The following TUB variants were observed in gnomAD, a reference collection of about 807,000 sequenced individuals.
TUB encodes the protein TUB bipartite transcription factor, also known as tubby protein homolog.
In TUB, 33 loss-of-function variants were observed where a neutral mutation model predicts 59.7. That is an observed-to-expected ratio of 0.55 (90% CI 0.42 to 0.74). TUB has a LOEUF of 0.74. Among genes scored for constraint, TUB ranks in the 30% least tolerant of loss-of-function variants. TUB has a pLI of 0.00. For synonymous variants in TUB, 293 were observed against 256.4 expected (o/e 1.14, Z -1.36); for missense variants, 659 against 672.0 (o/e 0.98, Z 0.21).
chr11:8,096,886 G>A, intron 6 of TUB, 80 bp downstream of exon 6: 1 of 1,517,082 alleles, frequency 6.6e-7, no homozygotes, highest in Non-Finnish European at 9.1e-7. Context: ...TGAAGAGATG[G>A]ACTCGTATGC....
intron 3 of TUB, among the ~76,000 whole-genome samples, chr11:8,093,040 G>A (rs980278364): frequency 1.3e-5 from 2 of 152,152 alleles, no homozygotes; most frequent in African/African-American, 4.8e-5. Context: ...GAGCACAAAT[G>A]GGTGTGGTCC....
intron 3 of TUB, among the ~76,000 whole-genome samples, chr11:8,090,801 A>G (rs1943756928): frequency 6.6e-6 from 1 of 151,674 alleles, no homozygotes; most frequent in African/African-American, 2.4e-5. Context: ...AATTCTCTGC[A>G]GCTCATCCTG....
chr11:8,038,655 G>T, exon 1 of TUB: 1 of 1,339,134 alleles, frequency 7.5e-7, no homozygotes. Context: ...GTCTGGTCCT[G>T]AAGGGTTTGG....
At chr11:8,036,819 C>G (rs12271874), upstream of TUB, among the ~76,000 whole-genome samples, 1 of 152,202 alleles carries the variant, frequency 6.6e-6, no homozygotes, top group Non-Finnish European at 1.5e-5. Flanking sequence ...CTCAGTAGCA[C>G]GGGCCCCATG....
intron 8 of TUB, among the ~76,000 whole-genome samples, chr11:8,098,408 C>T (rs891558788): frequency 4.6e-5 from 7 of 152,288 alleles, no homozygotes; most frequent in Non-Finnish European, 1.0e-4. Context: ...CCTCTCTCCA[C>T]GGGTGCTAAG....
At chr11:8,093,111 T>G (rs6578927) in intron 3 of TUB, among the ~76,000 whole-genome samples, 140,285 of 152,020 alleles carry the variant, frequency 0.92, 65,785 homozygotes, top group East Asian at 1. Flanking sequence ...GGTCACGGGG[T>G]TGCTTTGTGG....
chr11:8,042,345 G>A (rs1439877002), intron 2 of TUB, among the ~76,000 whole-genome samples: 1 of 152,056 alleles, frequency 6.6e-6, no homozygotes, highest in Non-Finnish European at 1.5e-5. Flanking sequence ...TCAATTGTAT[G>A]GATATACCAC....
intron 2 of TUB, among the ~76,000 whole-genome samples, chr11:8,045,553 G>A (rs920346713): frequency 2.0e-5 from 3 of 152,250 alleles, no homozygotes; most frequent in Admixed American, 6.5e-5. Context: ...AACCTGAAAC[G>A]CTCCAAAATC....
chr11:8,092,661 T>C (rs1309414917), intron 3 of TUB, among the ~76,000 whole-genome samples: 1 of 152,102 alleles, frequency 6.6e-6, no homozygotes, highest in East Asian at 1.9e-4. Context: ...ACATGTGACA[T>C]TTGATTTCTG....
chr11:8,053,618 A>G (rs1242800677), intron 2 of TUB, among the ~76,000 whole-genome samples: 4 of 150,856 alleles, frequency 2.7e-5, no homozygotes, highest in African/African-American at 4.8e-5. Flanking sequence ...CTCCTGCCTC[A>G]GTCTCCGGAG....
chr11:8,019,745 G>A (rs1189268867), intron 1 of TUB, among the ~76,000 whole-genome samples: 1 of 151,782 alleles, frequency 6.6e-6, no homozygotes, highest in Admixed American at 6.6e-5. Context: ...GGCGAGGAGG[G>A]GGCGCCTTCG....
rs138124865 is a variant in TUB at position 8,100,511 on chromosome 11, C to T, written c.1125C>T (p.Asn375=). ...QELAAVCYET[N]VLGFKGPRKM... Reference sequence around the variant, plus strand: ...TGCGTTCTCTTTCCCAGGAGACAAACGTCTTAGGCTTCAAGGGGCCTCGGA... The same window carrying T: ...TGCGTTCTCTTTCCCAGGAGACAAATGTCTTAGGCTTCAAGGGGCCTCGGA... Residue 375 remains asparagine, a synonymous_variant, in exon 10 of 12, where the codon AAC becomes AAT. Coordinates refer to ENST00000299506, the MANE Select transcript of TUB (RefSeq NM_177972.3). 1.2e-4 allele frequency: 201 copies of T among 1,614,028 alleles called. No individual in the cohort carries two copies. The highest frequency in any genetic ancestry group is 6.6e-4 in the Middle Eastern group (4 of 6,050).
intron 2 of TUB, among the ~76,000 whole-genome samples, chr11:8,066,555 G>C (rs1005548121): frequency 2.0e-5 from 3 of 152,198 alleles, no homozygotes; most frequent in East Asian, 1.9e-4. Flanking sequence ...CCTGGAGAGA[G>C]AGAGGCTGAA....
rs1284113571 is a variant in TUB, at chr11:8,105,898, C to T, written c.*4279C>T. On this transcript the variant is annotated 3_prime_UTR_variant, in exon 12 of 12. Transcript: ENST00000299506. ...GGATGGCTAGGAAAGGGAAGCCTGA[C>T]TGCTCGGTCAGGAGGGTGCAGTATC... 5 of 152,088 alleles carry T rather than the reference C, an allele frequency of 3.3e-5. No individual in the cohort carries two copies. The highest frequency in any genetic ancestry group is 5.9e-5 in the Non-Finnish European group (4 of 67,968). The allele number at this position is 152,088 out of a possible 1,614,324, so 9.4% of individuals were successfully genotyped here.
At chr11:8,073,402 A>T (rs933019898) in intron 2 of TUB, among the ~76,000 whole-genome samples, 9 of 152,228 alleles carry the variant, frequency 5.9e-5, no homozygotes, top group African/African-American at 2.2e-4. Flanking sequence ...TTTAATATGC[A>T]TTTCACATTT....
Position 8,056,448 on chromosome 11 carries a change from C to T in TUB, c.203+16756C>T, listed in dbSNP as rs148674313. ...AAATGATGGGCACATGTGTGTGGTG[C>T]GCATGCTTGTGCTGACAGGGGAAGG... On this transcript the variant is annotated intron_variant, in intron 2 of 12. Coordinates refer to the TUB transcript ENST00000305253. Among the ~76,000 whole-genome samples the T allele has an allele frequency of 7.0e-3, 1,070 of 152,030 alleles. 17 individuals carry two copies. Among genetic ancestry groups the T allele is most frequent in the Non-Finnish European group, 6.6e-3 (448 of 67,994 alleles).
chr11:8,019,326 G>T (rs1235674012), exon 1 of TUB: 5 of 1,283,620 alleles, frequency 3.9e-6, no homozygotes, highest in Admixed American at 3.7e-5. Flanking sequence ...GCAGCCACCG[G>T]ACCCTGTCTT....
rs759110779 is a variant in TUB, at chr11:8,098,823, C to T, written c.1064C>T (p.Ser355Phe). 1.2e-6 allele frequency: 2 copies of T among 1,614,088 alleles called. No individual in the cohort carries two copies. Among genetic ancestry groups the T allele is most frequent in the Admixed American group, 1.7e-5 (1 of 60,006 alleles). ...DNGVNPQKASSSTLESGTLRQ... is the reference protein window; with the variant it reads ...DNGVNPQKASFSTLESGTLRQ... ...GGAGTCAACCCTCAGAAGGCCTCAT[C>T]CTCCACTTTGGAAAGTGGAACCTTA... Residue 355 changes from serine to phenylalanine, a missense_variant, in exon 9 of 12, where the codon TCC (serine) becomes TTC (phenylalanine). This residue lies in a region of TUB where 226 missense variants were observed against 210.8 expected (regional missense o/e 1.07). Coordinates refer to ENST00000299506, the MANE Select transcript of TUB (RefSeq NM_177972.3).
intron 1 of TUB, among the ~76,000 whole-genome samples, chr11:8,021,711 C>G (rs533445424): frequency 6.6e-5 from 10 of 151,860 alleles, no homozygotes; most frequent in Middle Eastern, 3.4e-3. Flanking sequence ...GTCAGGAGAT[C>G]GAGATCCTCC....
Sources: allele counts gnomAD v4.1 joint callset (sites outside exome capture counted in the v4.1 genomes callset), GRCh38; gene constraint gnomAD v4.1.1; regional missense constraint gnomAD v4.1.1; transcripts MANE v1.5; gene names NCBI Gene and HGNC (gene_info 2026-07-23, HGNC 2026-07-21).